ANKFN1: variants seen among roughly 807,000 people sequenced by gnomAD.
The protein encoded by ANKFN1 is ankyrin repeat and fibronectin type-III domain-containing protein 1.
A neutral mutation model predicts 108.7 loss-of-function variants in ANKFN1; 74 were observed. The observed-to-expected ratio is 0.68, with a 90% CI of 0.56 to 0.83. The LOEUF (loss-of-function observed/expected upper bound fraction) is 0.83, where lower values mean the gene tolerates loss of function less well. Among genes scored for constraint, ANKFN1 ranks in the 40% least tolerant of loss-of-function variants. The probability of loss-of-function intolerance (pLI) is 0.00; values close to 1 mark genes in which losing one functional copy is unlikely to be tolerated. For synonymous variants in ANKFN1, 547 were observed against 516.2 expected (o/e 1.06, Z -0.81); for missense variants, 1,505 against 1,382.3 (o/e 1.09, Z -1.41).
chr17:56,071,903 G>A (rs566612401), intron 4 of ANKFN1, among the ~76,000 whole-genome samples: 1 of 152,210 alleles, frequency 6.6e-6, no homozygotes, highest in Admixed American at 6.5e-5. Flanking sequence ...ATTCACAGTG[G>A]TCCCTAGCCA....
At chr17:56,152,453 G>A (rs1908716526), upstream of ANKFN1, among the ~76,000 whole-genome samples, 1 of 151,828 alleles carries the variant, frequency 6.6e-6, no homozygotes, top group Admixed American at 6.6e-5. Context: ...CATTTAGATA[G>A]AGAGTTCCCT....
chr17:56,405,556 C>T (rs1429753976), intron 8 of ANKFN1, among the ~76,000 whole-genome samples: 1 of 151,974 alleles, frequency 6.6e-6, no homozygotes, highest in African/African-American at 2.4e-5. Context: ...ACAACTACAC[C>T]TAGATATATA....
chr17:56,126,773 A>G (rs1241805469), intron 4 of ANKFN1, among the ~76,000 whole-genome samples: 1 of 152,214 alleles, frequency 6.6e-6, no homozygotes, highest in East Asian at 1.9e-4. Flanking sequence ...GATAAGTAAA[A>G]TAGTGCAGAA....
At chr17:56,247,563 A>AT (rs1443302339) in intron 3 of ANKFN1, among the ~76,000 whole-genome samples, 23 of 152,280 alleles carry the variant, frequency 1.5e-4, no homozygotes, top group Admixed American at 4.6e-4. Flanking sequence ...TATACCAGTG[A>AT]TTTTTCCTAA....
chr17:56,241,801 G>T (rs1452797810), intron 3 of ANKFN1, among the ~76,000 whole-genome samples: 1 of 152,014 alleles, frequency 6.6e-6, no homozygotes, highest in Middle Eastern at 3.2e-3. Context: ...CCATTATTAA[G>T]TAAAATAAGG....
In ANKFN1 at chr17:56,214,220, C is replaced by T. The variant is rs79276741; in HGVS notation, c.12+1541C>T. On this transcript the variant is annotated intron_variant, in intron 2 of 20. Coordinates refer to ENST00000682825, the MANE Select transcript of ANKFN1 (RefSeq NM_001370326.1). Reference sequence around the variant, plus strand: ...CCTCTAGGGATGTGCCTTTAACTCACCTCTGTTGTAGAGCTCTTTTAGTAG... The same window carrying T: ...CCTCTAGGGATGTGCCTTTAACTCATCTCTGTTGTAGAGCTCTTTTAGTAG... Among the ~76,000 whole-genome samples the T allele has an allele frequency of 9.3e-4, 141 of 152,264 alleles. 1 individual carries two copies. In the East Asian group the frequency reaches 0.024, roughly 26 times the overall value.
At chr17:56,287,152 CATACCGAGAGGTAAATAATTTA>C (rs1283253182) in intron 3 of ANKFN1, among the ~76,000 whole-genome samples, 1 of 152,136 alleles carries the variant, frequency 6.6e-6, no homozygotes, top group African/African-American at 2.4e-5. Flanking sequence ...TGAGAAAGGA[CATACCGAGAGGTAAATAATTTA>C]CTCAAAGTCG....
rs1172739126 is a variant in ANKFN1, at chr17:56,055,564, T to TAC, written c.288+9241_288+9242dup. 3.4e-3 allele frequency among the ~76,000 whole-genome samples: 295 copies of TAC among 86,260 alleles called. 40 individuals are homozygous for TAC. Among genetic ancestry groups the TAC allele is most frequent in the African/African-American group, 0.019 (290 of 15,388 alleles). The allele number at this position is 86,260 out of a possible 152,430, so 56.6% of individuals were successfully genotyped here. Reference sequence around the variant, plus strand: ...GGTATATGTGTGTGTGTGGTATATATACATATATATATATATATATATATG... The same window carrying TAC: ...GGTATATGTGTGTGTGTGGTATATATACACATATATATATATATATATATATG... On this transcript the variant is annotated intron_variant, in intron 4 of 12. Transcript: ENST00000635860.
At chr17:56,049,128 G>A (rs113416980) in intron 4 of ANKFN1, among the ~76,000 whole-genome samples, 7 of 152,144 alleles carry the variant, frequency 4.6e-5, no homozygotes, top group African/African-American at 7.2e-5. Flanking sequence ...TTTTTCAAGT[G>A]TTCTTTTATT....
chr17:56,153,737 CTT>C, intron 1 of ANKFN1: 1 of 659,302 alleles, frequency 1.5e-6, no homozygotes, highest in Non-Finnish European at 2.6e-6. Flanking sequence ...TAATGTGTGT[CTT>C]TGTCTTTTGG....
chr17:56,140,147 A>G (rs191607173), intron 4 of ANKFN1, among the ~76,000 whole-genome samples: 14 of 152,366 alleles, frequency 9.2e-5, no homozygotes, highest in Non-Finnish European at 1.6e-4. Context: ...CTCCTGCTTC[A>G]TCTTGGCTTC....
Position 56,201,497 on chromosome 17 carries a change from A to G in ANKFN1, c.-70-11101A>G, listed in dbSNP as rs920992482. ...GTCTATCTTCTTTACAAAACTATAA[A>G]CTGTAAACCCCATAAGAATCCAGCA... is the stretch of plus-strand genomic sequence containing the variant. On this transcript the variant is annotated intron_variant, in intron 1 of 20. Transcript: ENST00000682825. 7.2e-5 allele frequency among the ~76,000 whole-genome samples: 11 copies of G among 152,144 alleles called. No homozygotes were observed. The East Asian group carries it at 2.1e-3, about 29-fold the overall frequency.
At chr17:56,499,565 T>C (rs1354208364) in intron 20 of ANKFN1, among the ~76,000 whole-genome samples, 1 of 152,136 alleles carries the variant, frequency 6.6e-6, no homozygotes, top group Non-Finnish European at 1.5e-5. Flanking sequence ...CCCATCCATA[T>C]AGCACAATGT....
intron 3 of ANKFN1, among the ~76,000 whole-genome samples, chr17:56,238,473 G>T (rs767940754): frequency 5.3e-5 from 8 of 152,050 alleles, no homozygotes; most frequent in Non-Finnish European, 1.2e-4. Flanking sequence ...CCTGTGTTGA[G>T]TATATATATA....
rs553893047 is a variant in ANKFN1 at position 56,326,431 on chromosome 17, A to G, written c.188+76A>G. 5.8e-5 allele frequency: 89 copies of G among 1,521,422 alleles called. 2 individuals are homozygous for G. The Middle Eastern group carries it at 2.0e-3, about 34-fold the overall frequency. The allele number at this position is 1,521,422 out of a possible 1,614,324, so 94.2% of individuals were successfully genotyped here. A position where few individuals can be genotyped will look rare whatever the true frequency, so the allele number is the denominator to read the frequency against. ...AATTACTGATTATTTTTAAATGTGT[A>G]TATGTTGCTGTGGCTTAAATGATAC... On this transcript the variant is annotated intron_variant, in intron 4 of 20. Coordinates refer to ENST00000682825, the MANE Select transcript of ANKFN1 (RefSeq NM_001370326.1).
At chr17:56,059,739 T>C (rs1340668777) in intron 4 of ANKFN1, among the ~76,000 whole-genome samples, 2 of 152,086 alleles carry the variant, frequency 1.3e-5, no homozygotes, top group Non-Finnish European at 2.9e-5. Flanking sequence ...AGATCACATG[T>C]TGTAGATGTG....
intron 1 of ANKFN1, among the ~76,000 whole-genome samples, chr17:56,180,073 G>A (rs1055261848): frequency 1.8e-4 from 28 of 152,126 alleles, no homozygotes; most frequent in African/African-American, 5.3e-4. Flanking sequence ...TGATTTCTGG[G>A]GGATGCATGT....
intron 1 of ANKFN1, among the ~76,000 whole-genome samples, chr17:56,154,737 C>T (rs1370543592): frequency 1.3e-5 from 2 of 152,022 alleles, no homozygotes; most frequent in African/African-American, 2.4e-5. Flanking sequence ...AATATTTTGC[C>T]CCTGATTCTA....
chr17:56,337,684 C>T (rs2045851226), intron 4 of ANKFN1, among the ~76,000 whole-genome samples: 1 of 152,110 alleles, frequency 6.6e-6, no homozygotes, highest in Non-Finnish European at 1.5e-5. Flanking sequence ...ATTTATGCAG[C>T]CAACAGACAC....
Sources: gnomAD v4.1 joint callset for allele counts (sites outside exome capture counted in the v4.1 genomes callset) on GRCh38, gnomAD v4.1.1 for gene constraint, MANE v1.5 for transcripts, NCBI Gene and HGNC (gene_info 2026-07-23, HGNC 2026-07-21) for gene names.